Variants in SLC71A2 observed in about 807,000 individuals in gnomAD.
SLC71A2 encodes hippocampus abundant transcript-like 1.
chr9:94,443,769 TTCCCA>T, the SLC71A2 span, among the ~76,000 whole-genome samples: 2 of 152,310 alleles, frequency 1.3e-5, no homozygotes, highest in Admixed American at 1.3e-4. Context: ...TGTAGGAATG[TTCCCA>T]TAACTGTTTG....
At chr9:94,388,609 T>C in the SLC71A2 span, among the ~76,000 whole-genome samples, 1 of 152,076 alleles carries the variant, frequency 6.6e-6, no homozygotes, top group African/African-American at 2.4e-5. Flanking sequence ...ATATGGTGAA[T>C]TTATTTTTAT....
At chr9:94,446,027 T>C in the SLC71A2 span, among the ~76,000 whole-genome samples, 1 of 152,190 alleles carries the variant, frequency 6.6e-6, no homozygotes, top group Non-Finnish European at 1.5e-5. Flanking sequence ...TTTGTAGTGA[T>C]CAAGTTATGC....
chr9:94,430,797 T>A, the SLC71A2 span, among the ~76,000 whole-genome samples: 2 of 152,228 alleles, frequency 1.3e-5, no homozygotes, highest in Non-Finnish European at 2.9e-5. Context: ...CATATTTGCT[T>A]CAGCCTCAAA....
the SLC71A2 span, among the ~76,000 whole-genome samples, chr9:94,380,262 CTCTT>C: frequency 2.0e-5 from 3 of 151,702 alleles, no homozygotes; most frequent in Admixed American, 6.6e-5. Context: ...CAGAGCGAGA[CTCTT>C]TCTCAAAAAA....
the SLC71A2 span, among the ~76,000 whole-genome samples, chr9:94,435,647 CTTCTTTTTT>C: frequency 3.5e-3 from 286 of 81,550 alleles, 10 homozygotes; most frequent in East Asian, 0.064. Context: ...CTTTTTCCTT[CTTCTTTTTT>C]TTTTTTTTTT....
the SLC71A2 span, among the ~76,000 whole-genome samples, chr9:94,450,341 G>A: frequency 2.1e-3 from 314 of 152,236 alleles, no homozygotes; most frequent in African/African-American, 7.0e-3. Context: ...TGGATTGGCT[G>A]TCCAGAGGTT....
the SLC71A2 span, among the ~76,000 whole-genome samples, chr9:94,450,898 G>C: frequency 3.3e-5 from 5 of 152,114 alleles, no homozygotes; most frequent in African/African-American, 1.2e-4. Flanking sequence ...AGGTTACTTT[G>C]GCTGCTTATT....
the SLC71A2 span, chr9:94,460,681 A>T: frequency 1.1e-5 from 1 of 92,084 alleles, no homozygotes; most frequent in South Asian, 3.4e-4. Flanking sequence ...AAAGGGTTTT[A>T]ATTTTTTTTT....
the SLC71A2 span, chr9:94,374,875 C>G: frequency 8.7e-7 from 1 of 1,151,788 alleles, no homozygotes; most frequent in Non-Finnish European, 1.1e-6. Context: ...GAGCCCGAGG[C>G]GGGAGCCATG....
At chr9:94,382,467 T>A in the SLC71A2 span, among the ~76,000 whole-genome samples, 1 of 152,202 alleles carries the variant, frequency 6.6e-6, no homozygotes, top group East Asian at 1.9e-4. Flanking sequence ...GGGATGCAAG[T>A]CCCTCGTCAA....
chr9:94,459,197 G>A, the SLC71A2 span: 2 of 1,614,054 alleles, frequency 1.2e-6, no homozygotes, highest in Non-Finnish European at 1.7e-6. Flanking sequence ...TTTATTTGGG[G>A]CATGTATAGT....
the SLC71A2 span, among the ~76,000 whole-genome samples, chr9:94,394,987 C>G: frequency 9.8e-6 from 1 of 101,772 alleles, no homozygotes; most frequent in Admixed American, 9.7e-5. Flanking sequence ...GATCTTGGCT[C>G]ACTGCAACTT....
At chr9:94,379,424 G>C in the SLC71A2 span, among the ~76,000 whole-genome samples, 3 of 72,862 alleles carry the variant, frequency 4.1e-5, 1 homozygote, top group African/African-American at 9.7e-5. Context: ...GCCTCACTCT[G>C]TCATCCAGGC....
the SLC71A2 span, among the ~76,000 whole-genome samples, chr9:94,384,957 C>A: frequency 6.6e-5 from 10 of 151,840 alleles, no homozygotes; most frequent in South Asian, 8.3e-4. Flanking sequence ...TCCCCTTTGT[C>A]TCTTTTTTGT....
the SLC71A2 span, among the ~76,000 whole-genome samples, chr9:94,382,397 G>A: frequency 6.6e-6 from 1 of 151,228 alleles, no homozygotes; most frequent in African/African-American, 2.4e-5. Flanking sequence ...CCTATTTTTT[G>A]TTGTTGTTGT....
At chr9:94,401,025 A>C in the SLC71A2 span, among the ~76,000 whole-genome samples, 1 of 151,304 alleles carries the variant, frequency 6.6e-6, no homozygotes, top group African/African-American at 2.4e-5. Context: ...CCTTCTAACA[A>C]TCTTGTTGTT....
At chr9:94,441,440 C>A in the SLC71A2 span, among the ~76,000 whole-genome samples, 1 of 152,176 alleles carries the variant, frequency 6.6e-6, no homozygotes, top group South Asian at 2.1e-4. Flanking sequence ...CACAAGAACT[C>A]ACTTACTATT....
the SLC71A2 span, among the ~76,000 whole-genome samples, chr9:94,450,329 A>G: frequency 6.6e-6 from 1 of 152,164 alleles, no homozygotes. Flanking sequence ...TGTCAGCAGC[A>G]CTGGATTGGC....
the SLC71A2 span, chr9:94,415,313 G>A: frequency 7.1e-6 from 8 of 1,124,298 alleles, no homozygotes; most frequent in Non-Finnish European, 1.1e-5. Context: ...TCTTAGGCAC[G>A]TATCACTGTG....
Sources: gnomAD v4.1 joint callset for allele counts (sites outside exome capture counted in the v4.1 genomes callset) on GRCh38, gnomAD v4.1.1 for gene constraint, MANE v1.5 for transcripts, NCBI Gene and HGNC (gene_info 2026-07-23, HGNC 2026-07-21) for gene names.